Variants in PCDH15 observed in about 807,000 individuals in gnomAD.
The protein encoded by PCDH15 is protocadherin-15.
Under a neutral mutation model 178.5 loss-of-function variants are expected in PCDH15, and 129 were observed. The observed-to-expected ratio is 0.72, with a 90% confidence interval of 0.63 to 0.84. The LOEUF is 0.84. Ranked by LOEUF, PCDH15 falls within the 40% of genes least tolerant of loss-of-function variation. The pLI is 0.00. For missense variants in PCDH15, 2,230 were observed against 2,099.9 expected, an observed-to-expected ratio of 1.06 and a Z score of -1.21; for synonymous variants, 800 against 732.0, an observed-to-expected ratio of 1.09 and a Z score of -1.50.
chr10:55,546,259 T>G (rs1463076964), intron 2 of PCDH15, among the ~76,000 whole-genome samples: 2 of 152,184 alleles, frequency 1.3e-5, no homozygotes, highest in African/African-American at 4.8e-5. Flanking sequence ...TAATTGATAT[T>G]TCCGACTGTT....
chr10:54,651,686 A>G (rs1273479530), intron 2 of PCDH15, among the ~76,000 whole-genome samples: 1 of 152,162 alleles, frequency 6.6e-6, no homozygotes, highest in Non-Finnish European at 1.5e-5. Context: ...TCTGTGATAC[A>G]TATCTTCTTA....
At chr10:55,192,863 G>T (rs1166277243) in intron 1 of PCDH15, among the ~76,000 whole-genome samples, 2 of 151,054 alleles carry the variant, frequency 1.3e-5, no homozygotes, top group Non-Finnish European at 3.0e-5. Context: ...TGTATTTTAT[G>T]AGTTTATATG....
In PCDH15 at chr10:54,759,979, G is replaced by T. The variant is rs145054880; in HGVS notation, c.-29+40946C>A. On this transcript the variant is annotated intron_variant, in intron 1 of 37. Coordinates refer to ENST00000644397, the MANE Select transcript of PCDH15 (RefSeq NM_001384140.1). ...TTTCATGACCTTATCCCATGTATAG[G>T]GCGAGTAAGAGTAGTCAGTTCATAC... Among the ~76,000 whole-genome samples, 271 of 152,176 alleles carry T rather than the reference G, an allele frequency of 1.8e-3. 1 individual carries two copies. The highest frequency in any genetic ancestry group is 7.9e-3 in the East Asian group (41 of 5,182).
At chr10:54,169,501 C>G (rs946319318) in intron 13 of PCDH15, among the ~76,000 whole-genome samples, 3 of 142,010 alleles carry the variant, frequency 2.1e-5, no homozygotes, top group African/African-American at 7.8e-5. Flanking sequence ...CCCACCTGCC[C>G]AGTTCCCTTA....
intron 2 of PCDH15, among the ~76,000 whole-genome samples, chr10:55,396,232 A>G (rs1158257778): frequency 6.6e-6 from 1 of 152,154 alleles, no homozygotes. Context: ...TTATTCCAGC[A>G]CTTTAGAAAC....
At chr10:54,759,269 C>T (rs1233589111) in intron 1 of PCDH15, among the ~76,000 whole-genome samples, 1 of 152,096 alleles carries the variant, frequency 6.6e-6, no homozygotes, top group African/African-American at 2.4e-5. Context: ...CGGGCAAACA[C>T]CTAAATTTTC....
intron 1 of PCDH15, among the ~76,000 whole-genome samples, chr10:54,737,900 T>TA (rs1944320869): frequency 6.6e-6 from 1 of 151,946 alleles, no homozygotes; most frequent in African/African-American, 2.4e-5. Context: ...ATCTATGCAA[T>TA]ATGTTAGAAG....
intron 2 of PCDH15, among the ~76,000 whole-genome samples, chr10:55,361,014 T>C (rs1845214177): frequency 6.6e-6 from 1 of 151,994 alleles, no homozygotes; most frequent in Non-Finnish European, 1.5e-5. Context: ...ACGAACGAAC[T>C]GCATTTTCTG....
At chr10:54,315,453 C>G (rs1755774658) in intron 8 of PCDH15, among the ~76,000 whole-genome samples, 1 of 152,076 alleles carries the variant, frequency 6.6e-6, no homozygotes, top group African/African-American at 2.4e-5. Context: ...GCATAGTTTG[C>G]AAATATTTTC....
chr10:54,477,182 A>G (rs2078334993), intron 3 of PCDH15, among the ~76,000 whole-genome samples: 1 of 152,146 alleles, frequency 6.6e-6, no homozygotes, highest in Non-Finnish European at 1.5e-5. Context: ...CATGACTTAA[A>G]TACTACAAAA....
chr10:53,823,569 A>G lies in PCDH15; in HGVS notation c.4368-3339T>C, dbSNP rs377765229. 1.9e-5 allele frequency: 13 copies of G among 671,980 alleles called. No individual in the cohort carries two copies. The East Asian group carries it at 3.0e-4, about 16-fold the overall frequency. 41.6% of individuals were successfully genotyped at this position (671,980 alleles called of 1,614,324 possible). Reference sequence around the variant, plus strand: ...CTTAGAGTTGTGAGAAGAATGAGAAATGTAAATGAAAAAAAAAGTACTCAT... The same window carrying G: ...CTTAGAGTTGTGAGAAGAATGAGAAGTGTAAATGAAAAAAAAAGTACTCAT... On this transcript the variant is annotated intron_variant, in intron 32 of 37. Transcript: ENST00000644397.
chr10:55,273,312 T>C (rs952058099), intron 1 of PCDH15, among the ~76,000 whole-genome samples: 1 of 152,250 alleles, frequency 6.6e-6, no homozygotes, highest in Non-Finnish European at 1.5e-5. Flanking sequence ...TTCAACATCT[T>C]ACTATGCCTG....
Position 54,595,359 on chromosome 10 carries a change from C to T in PCDH15, c.92-67482G>A, listed in dbSNP as rs143487590. ...GAGCTGAGCCTTGGCCACCTGAAGT[C>T]TTCCACTAACAAAGCCAGGTGACTG... On this transcript the variant is annotated intron_variant, in intron 2 of 37. Coordinates refer to ENST00000644397, the MANE Select transcript of PCDH15 (RefSeq NM_001384140.1). Among the ~76,000 whole-genome samples, 234 of 152,276 alleles carry T rather than the reference C, an allele frequency of 1.5e-3. 2 individuals carry two copies. Among genetic ancestry groups the T allele is most frequent in the Admixed American group, 0.013 (203 of 15,292 alleles).
chr10:54,189,324 T>C, intron 11 of PCDH15: 1 of 1,539,920 alleles, frequency 6.5e-7, no homozygotes, highest in South Asian at 1.2e-5. Flanking sequence ...CCACAGCAAT[T>C]AACAAAAGAA....
rs968265041 is a variant in PCDH15 at position 54,946,590 on chromosome 10, C to T, written c.-79-49090G>A. Among the ~76,000 whole-genome samples, 6 of 151,832 alleles carry T rather than the reference C, an allele frequency of 4.0e-5. No individual in the cohort carries two copies. The East Asian group carries it at 5.8e-4, about 15-fold the overall frequency. ...GTGACCATACATTAGGAAACACCCC[C>T]GCCCCTGACAATTTCAAATAATAGT... is the stretch of plus-strand genomic sequence containing the variant. On this transcript the variant is annotated intron_variant, in intron 2 of 5. Transcript: ENST00000458638.
intron 20 of PCDH15, among the ~76,000 whole-genome samples, chr10:54,011,942 T>G (rs1471526772): frequency 6.6e-6 from 1 of 152,126 alleles, no homozygotes; most frequent in Non-Finnish European, 1.5e-5. Context: ...TCAGCTGAAA[T>G]AGTTGAAATG....
At chr10:55,020,947 A>G (rs1840312627) in intron 2 of PCDH15, among the ~76,000 whole-genome samples, 2 of 152,196 alleles carry the variant, frequency 1.3e-5, no homozygotes, top group African/African-American at 4.8e-5. Flanking sequence ...GCAGATTCAC[A>G]GAGCCAGGCA....
chr10:54,712,800 CATCTT>C (rs2095439669), intron 1 of PCDH15, among the ~76,000 whole-genome samples: 1 of 151,950 alleles, frequency 6.6e-6, no homozygotes, highest in Non-Finnish European at 1.5e-5. Context: ...AAGAATTAAT[CATCTT>C]ATGAGTTATA....
At chr10:54,128,858 A>G (rs2042194225) in intron 15 of PCDH15, among the ~76,000 whole-genome samples, 1 of 152,194 alleles carries the variant, frequency 6.6e-6, no homozygotes, top group Non-Finnish European at 1.5e-5. Context: ...TAAATTGTAT[A>G]TATTTTAAAC....
Sources: allele counts gnomAD v4.1 joint callset (sites outside exome capture counted in the v4.1 genomes callset), GRCh38; gene constraint gnomAD v4.1.1; transcripts MANE v1.5; gene names NCBI Gene and HGNC (gene_info 2026-07-23, HGNC 2026-07-21).